The following NIPBL variants were observed in gnomAD, a reference collection of about 807,000 sequenced individuals.
NIPBL encodes nipped-B-like protein.
NIPBL carries 19 observed loss-of-function variants against 321.8 expected under a neutral mutation model. The ratio of observed to expected loss-of-function variants is 0.06; its 90% CI spans 0.04 to 0.09. NIPBL has a LOEUF of 0.09. Ranked by LOEUF, NIPBL falls within the 10% of genes least tolerant of loss-of-function variation. NIPBL has a pLI of 1.00. For missense variants in NIPBL, 2,210 were observed against 3,327.0 expected, an observed-to-expected ratio of 0.66 and a Z score of 8.26; for synonymous variants, 1,106 against 1,114.1, an observed-to-expected ratio of 0.99 and a Z score of 0.14.
At chr5:36,903,095 A>G (rs963355286) in intron 1 of NIPBL, among the ~76,000 whole-genome samples, 8 of 152,126 alleles carry the variant, frequency 5.3e-5, no homozygotes, top group African/African-American at 1.7e-4. Context: ...TAGAAATGCT[A>G]CTGATTTTTG....
chr5:36,892,794 G>T (rs921577905), intron 1 of NIPBL, among the ~76,000 whole-genome samples: 4 of 151,940 alleles, frequency 2.6e-5, no homozygotes, highest in South Asian at 2.1e-4. Context: ...GTTGTGGGGT[G>T]GGGGGAGTGG....
chr5:36,989,464 A>G (rs1745223346), intron 10 of NIPBL, among the ~76,000 whole-genome samples: 1 of 152,122 alleles, frequency 6.6e-6, no homozygotes, highest in African/African-American at 2.4e-5. Context: ...ATATACTTCA[A>G]TCAGTATGTT....
chr5:36,885,898 G>A (rs932435962), intron 1 of NIPBL: 4 of 735,858 alleles, frequency 5.4e-6, no homozygotes, highest in African/African-American at 1.7e-5. Flanking sequence ...CCAGCTCTGG[G>A]TTGACCGTGA....
At chr5:36,959,755 G>A (rs552716560) in intron 4 of NIPBL, among the ~76,000 whole-genome samples, 11 of 152,170 alleles carry the variant, frequency 7.2e-5, no homozygotes, top group Non-Finnish European at 1.6e-4. Context: ...AACTTTTAGA[G>A]TGTTCACCTC....
intron 44 of NIPBL, among the ~76,000 whole-genome samples, chr5:37,060,288 A>C (rs1381447666): frequency 6.6e-6 from 1 of 152,200 alleles, no homozygotes; most frequent in Non-Finnish European, 1.5e-5. Context: ...CCACCTGAGT[A>C]GCTGGGAGTA....
At chr5:36,891,872 A>G (rs930427656) in intron 1 of NIPBL, among the ~76,000 whole-genome samples, 1 of 152,170 alleles carries the variant, frequency 6.6e-6, no homozygotes, top group African/African-American at 2.4e-5. Context: ...GAGTTAATCT[A>G]GTTATAGTTT....
rs1561131891 is a variant in NIPBL at position 36,995,787 on chromosome 5, GTGA to G, written c.3291_3293del (p.Asp1097del). ...ATCAGTTCAGATGAAGATAATGATA[GTGA>G]TGAAGCTTTTGAATGTAAGTATCAC... On this transcript the variant is annotated inframe_deletion, in exon 11 of 47. Transcript: ENST00000282516. 2 of 1,613,078 alleles carry G rather than the reference GTGA, an allele frequency of 1.2e-6. No individual in the cohort carries two copies. The highest frequency in any genetic ancestry group is 3.3e-5 in the Admixed American group (2 of 59,948).
intron 3 of NIPBL, among the ~76,000 whole-genome samples, chr5:36,957,278 G>A (rs1050135609): frequency 2.0e-5 from 3 of 152,046 alleles, no homozygotes; most frequent in African/African-American, 4.8e-5. Flanking sequence ...CGCTTTTCCC[G>A]CACCATGACA....
At chr5:36,912,681 A>G (rs923895485) in intron 1 of NIPBL, among the ~76,000 whole-genome samples, 1 of 151,828 alleles carries the variant, frequency 6.6e-6, no homozygotes, top group Non-Finnish European at 1.5e-5. Flanking sequence ...TTGTATTTTT[A>G]GTAGAGATGG....
Position 37,022,483 on chromosome 5 carries a change from G to A in NIPBL, c.5574+93G>A, listed in dbSNP as rs1749759324. 1.9e-5 allele frequency: 21 copies of A among 1,077,088 alleles called. No homozygotes were observed. In the South Asian group the frequency reaches 3.2e-4, roughly 17 times the overall value. 66.7% of individuals were successfully genotyped at this position (1,077,088 alleles called of 1,614,324 possible). A position where few individuals can be genotyped will look rare whatever the true frequency, so the allele number is the denominator to read the frequency against. On this transcript the variant is annotated intron_variant, in intron 29 of 46. Coordinates refer to ENST00000282516, the MANE Select transcript of NIPBL (RefSeq NM_133433.4). ...AAAGTGTTAAGTTAGAAAAATAAAT[G>A]TACCAATTATATATTTATATTGTCA...
intron 1 of NIPBL, among the ~76,000 whole-genome samples, chr5:36,891,133 C>T (rs973351922): frequency 2.6e-5 from 4 of 152,062 alleles, no homozygotes; most frequent in South Asian, 4.2e-4. Flanking sequence ...GGCACAGTGG[C>T]GGGCGCCTGT....
At chr5:37,024,196 G>T (rs1228430346) in intron 29 of NIPBL, among the ~76,000 whole-genome samples, 1 of 151,656 alleles carries the variant, frequency 6.6e-6, no homozygotes. Flanking sequence ...CCATAAGATA[G>T]TGCCAAAGGT....
intron 44 of NIPBL, 41 bp from the exon 45 acceptor site, chr5:37,060,803 T>C (rs752954374): frequency 6.4e-7 from 1 of 1,554,372 alleles, no homozygotes; most frequent in Non-Finnish European, 8.8e-7. Context: ...ATACGTTGTT[T>C]CCATAGTTTT....
chr5:37,045,610 A>G lies in NIPBL; in HGVS notation c.6498+13A>G. 1 of 1,612,618 alleles carries G rather than the reference A, an allele frequency of 6.2e-7. No homozygotes were observed. Among genetic ancestry groups the G allele is most frequent in the South Asian group, 1.1e-5 (1 of 91,060 alleles). ...AGGCAACAGCAAGGTAAAGGTAGTA[A>G]TACTTAAAATGCTATAAAACATAGA... is the stretch of plus-strand genomic sequence containing the variant. On this transcript the variant is annotated intron_variant, in intron 37 of 46. Coordinates refer to ENST00000282516, the MANE Select transcript of NIPBL (RefSeq NM_133433.4).
At chr5:37,044,579 A>G in intron 35 of NIPBL, 57 bp from the exon 36 acceptor site, 1 of 1,572,012 alleles carries the variant, frequency 6.4e-7, no homozygotes, top group Non-Finnish European at 8.7e-7. Context: ...GTAAAAAGCT[A>G]AGTTTTTAAA....
At chr5:36,952,934 T>C (rs929427252) in intron 1 of NIPBL, among the ~76,000 whole-genome samples, 1 of 152,058 alleles carries the variant, frequency 6.6e-6, no homozygotes, top group African/African-American at 2.4e-5. Flanking sequence ...AAGTTCAGAG[T>C]AGATTAAGAT....
At position 37,019,307 on chromosome 5, in the gene NIPBL, A is replaced by C. The variant is rs368263380; in HGVS notation, c.4921-4A>C. ...TTTTTGTTCTTATTTGGTTTATTCT[A>C]TAGGTTTCAGGAGGGGAAGATGAAA... On this transcript the variant is annotated splice_polypyrimidine_tract_variant and splice_region_variant and intron_variant, in intron 24 of 46. Coordinates refer to ENST00000282516, the MANE Select transcript of NIPBL (RefSeq NM_133433.4). 1 of 1,596,742 alleles carries C rather than the reference A, an allele frequency of 6.3e-7. No homozygotes were observed. The highest frequency in any genetic ancestry group is 8.6e-7 in the Non-Finnish European group (1 of 1,164,578).
intron 41 of NIPBL, 46 bp from the exon 42 acceptor site, chr5:37,052,320 T>C: frequency 6.9e-7 from 1 of 1,457,280 alleles, no homozygotes; most frequent in Admixed American, 1.7e-5. Flanking sequence ...TTTTAATTTG[T>C]GTCTTTTAAT....
chr5:37,011,567 TGAAA>T lies in NIPBL; in HGVS notation c.4560+1352_4560+1355del, dbSNP rs1053466312. ...GAGAACCTGTCTAAAAATGAATGAA[TGAAA>T]GAAAGAAAGTCAAATACTCTCTGAA... On this transcript the variant is annotated intron_variant, in intron 21 of 46. Coordinates refer to ENST00000282516, the MANE Select transcript of NIPBL (RefSeq NM_133433.4). Among the ~76,000 whole-genome samples the T allele has an allele frequency of 4.6e-4, 70 of 152,272 alleles. 1 individual carries two copies. The highest frequency in any genetic ancestry group is 3.2e-3 in the Admixed American group (49 of 15,296).
Sources: allele counts gnomAD v4.1 joint callset (sites outside exome capture counted in the v4.1 genomes callset), GRCh38; gene constraint gnomAD v4.1.1; transcripts MANE v1.5; gene names NCBI Gene and HGNC (gene_info 2026-07-23, HGNC 2026-07-21).